Variants in PLCB1 observed in about 807,000 individuals in gnomAD.
PLCB1 encodes 1-phosphatidylinositol 4,5-bisphosphate phosphodiesterase beta-1.
PLCB1 carries 46 observed loss-of-function variants against 161.8 expected under a neutral mutation model. The observed-to-expected ratio is 0.28, with a 90% CI of 0.22 to 0.36. PLCB1 has a LOEUF of 0.36. Among genes scored for constraint, PLCB1 ranks in the 10% least tolerant of loss-of-function variants. The pLI is 1.00. For missense variants in PLCB1, 1,016 were observed against 1,472.5 expected (o/e 0.69, Z 5.07); for synonymous variants, 517 against 503.7 (o/e 1.03, Z -0.35).
At chr20:8,718,087 G>T (rs867917165) in intron 14 of PLCB1, among the ~76,000 whole-genome samples, 10 of 151,994 alleles carry the variant, frequency 6.6e-5, no homozygotes, top group African/African-American at 2.4e-4. Flanking sequence ...GGGCATAGTG[G>T]CACGTACCTG....
chr20:8,741,061 C>T (rs148494005), intron 22 of PLCB1, among the ~76,000 whole-genome samples: 6 of 152,148 alleles, frequency 3.9e-5, no homozygotes, highest in South Asian at 4.1e-4. Context: ...ATTTATGAAA[C>T]GTCATTTGGG....
At chr20:8,802,523 A>AT (rs796145723) in intron 31 of PLCB1, 227 of 215,070 alleles carry the variant, frequency 1.1e-3, no homozygotes, top group African/African-American at 1.5e-3. Flanking sequence ...CTTTGGAAAC[A>AT]TTTTTTTTTC....
chr20:8,496,952 CT>C (rs1983203491), intron 3 of PLCB1, among the ~76,000 whole-genome samples: 1 of 152,144 alleles, frequency 6.6e-6, no homozygotes, highest in African/African-American at 2.4e-5. Flanking sequence ...AAGTACAGGA[CT>C]TGTATAAAGA....
chr20:8,215,924 T>C (rs1979096643), intron 2 of PLCB1, among the ~76,000 whole-genome samples: 1 of 152,092 alleles, frequency 6.6e-6, no homozygotes, highest in South Asian at 2.1e-4. Context: ...ATCTACTTTA[T>C]GCAGAGTTAA....
intron 2 of PLCB1, among the ~76,000 whole-genome samples, chr20:8,330,689 C>T (rs1985334104): frequency 1.3e-5 from 2 of 152,216 alleles, no homozygotes; most frequent in Admixed American, 1.3e-4. Context: ...GCAGAGTGTT[C>T]TACAAGTCTG....
chr20:8,249,496 C>T (rs554939671), intron 2 of PLCB1: 1 of 151,992 alleles, frequency 6.6e-6, no homozygotes, highest in East Asian at 2.0e-4. Context: ...GAAAACTTTG[C>T]CTGAAGCTAC....
At chr20:8,429,890 A>G (rs1353768894) in intron 3 of PLCB1, among the ~76,000 whole-genome samples, 1 of 152,030 alleles carries the variant, frequency 6.6e-6, no homozygotes, top group Non-Finnish European at 1.5e-5. Context: ...AGGGGCTTTA[A>G]CAGATAAATT....
chr20:8,159,609 GAACTTT>G (rs2051599823), intron 2 of PLCB1, among the ~76,000 whole-genome samples: 1 of 152,112 alleles, frequency 6.6e-6, no homozygotes, highest in African/African-American at 2.4e-5. Context: ...CAAATTTTCT[GAACTTT>G]TATGCCCTGT....
rs1207488347 is a variant in PLCB1, at chr20:8,496,181, AG to A, written c.246+124733del. Among the ~76,000 whole-genome samples the A allele has an allele frequency of 2.0e-5, 3 of 152,192 alleles. No individual in the cohort carries two copies. In the East Asian group the frequency reaches 5.8e-4, roughly 29 times the overall value. Reference sequence around the variant, plus strand: ...AGGTATGTCCCAGACTTATAATTTAAGGAGAACTTACTCTCTAGAAATGTGG... The same window carrying A: ...AGGTATGTCCCAGACTTATAATTTAAGAGAACTTACTCTCTAGAAATGTGG... On this transcript the variant is annotated intron_variant, in intron 3 of 31. Transcript: ENST00000338037.
chr20:8,494,436 C>A (rs1983075459), intron 3 of PLCB1, among the ~76,000 whole-genome samples: 1 of 152,128 alleles, frequency 6.6e-6, no homozygotes, highest in Non-Finnish European at 1.5e-5. Context: ...GGCAAAAATG[C>A]CATGACCCAG....
At chr20:8,531,249 A>G (rs1047495637) in intron 3 of PLCB1, among the ~76,000 whole-genome samples, 1 of 152,100 alleles carries the variant, frequency 6.6e-6, no homozygotes, top group Non-Finnish European at 1.5e-5. Context: ...TCTGCTCTGT[A>G]AAAGAATTAT....
At chr20:8,661,581 G>C (rs1383261288) in intron 9 of PLCB1, among the ~76,000 whole-genome samples, 1 of 152,014 alleles carries the variant, frequency 6.6e-6, no homozygotes, top group Non-Finnish European at 1.5e-5. Context: ...AAATTACAAA[G>C]ACCTTAGTAG....
At chr20:8,149,519 A>G (rs1211898689) in intron 1 of PLCB1, among the ~76,000 whole-genome samples, 1 of 152,170 alleles carries the variant, frequency 6.6e-6, no homozygotes, top group Non-Finnish European at 1.5e-5. Flanking sequence ...GTATGAAAAA[A>G]TTGAAAAAAC....
At chr20:8,310,755 C>A (rs537650380) in intron 2 of PLCB1, among the ~76,000 whole-genome samples, 20 of 152,248 alleles carry the variant, frequency 1.3e-4, no homozygotes, top group Non-Finnish European at 2.5e-4. Flanking sequence ...CCGTGTCTAT[C>A]GTTTCCATCT....
intron 4 of PLCB1, among the ~76,000 whole-genome samples, chr20:8,639,480 A>G (rs1988872276): frequency 6.6e-6 from 1 of 152,186 alleles, no homozygotes; most frequent in Non-Finnish European, 1.5e-5. Context: ...ATAGATCGAG[A>G]TGCCTCTGTA....
At chr20:8,428,762 C>T (rs540967449) in intron 3 of PLCB1, among the ~76,000 whole-genome samples, 1 of 152,228 alleles carries the variant, frequency 6.6e-6, no homozygotes, top group African/African-American at 2.4e-5. Flanking sequence ...TGACTGTGGA[C>T]CCAGGTAGTC....
intron 3 of PLCB1, among the ~76,000 whole-genome samples, chr20:8,472,522 T>C (rs867533179): frequency 1.3e-5 from 2 of 152,104 alleles, no homozygotes; most frequent in African/African-American, 4.8e-5. Context: ...ATACCATTAC[T>C]TTATAGAACA....
chr20:8,680,201 T>G (rs568178969), intron 9 of PLCB1, among the ~76,000 whole-genome samples: 32 of 152,312 alleles, frequency 2.1e-4, no homozygotes, highest in African/African-American at 7.2e-4. Context: ...TGTAAATTTT[T>G]CACAAACAGT....
intron 27 of PLCB1, among the ~76,000 whole-genome samples, chr20:8,776,377 G>A (rs1017553747): frequency 8.5e-5 from 13 of 152,170 alleles, no homozygotes; most frequent in Non-Finnish European, 1.9e-4. Context: ...TAACCATTGT[G>A]TAGATGCCTC....
Sources: gnomAD v4.1 joint callset for allele counts (sites outside exome capture counted in the v4.1 genomes callset) on GRCh38, gnomAD v4.1.1 for gene constraint, MANE v1.5 for transcripts, NCBI Gene and HGNC (gene_info 2026-07-23, HGNC 2026-07-21) for gene names.